The following CHRDL1 variants were observed in gnomAD, a reference collection of about 807,000 sequenced individuals.
CHRDL1 encodes the protein chordin-like protein 1.
In CHRDL1, 19 loss-of-function variants were observed where a neutral mutation model predicts 40.9. The ratio of observed to expected loss-of-function variants is 0.46; its 90% CI spans 0.32 to 0.68. CHRDL1 has a LOEUF of 0.68. CHRDL1 is among the 30% of genes least tolerant of loss of function. CHRDL1 has a pLI of 0.03. For missense variants in CHRDL1, 329 were observed against 352.1 expected, an observed-to-expected ratio of 0.93 and a Z score of 0.53; for synonymous variants, 136 against 123.4, an observed-to-expected ratio of 1.10 and a Z score of -0.68.
chrX:110,689,506 ATC>A lies in CHRDL1; in HGVS notation c.779-705_779-704del, dbSNP rs1167395112. On this transcript the variant is annotated intron_variant, in intron 8 of 11. Coordinates refer to ENST00000372042, the MANE Select transcript of CHRDL1 (RefSeq NM_001143981.2). ...TATCTATATCTCTATATATCTATAT[ATC>A]TATATCTCTATATATCTATCTATAT... 2.2e-4 allele frequency among the ~76,000 whole-genome samples: 10 copies of A among 46,489 alleles called. No homozygotes were observed. The African/African-American group carries it at 2.3e-3, about 10-fold the overall frequency. The allele number at this position is 46,489 out of a possible 115,157, so 40.4% of individuals were successfully genotyped here. A position where few individuals can be genotyped will look rare whatever the true frequency, so the allele number is the denominator to read the frequency against.
At chrX:110,689,414 C>A (rs34617254) in intron 8 of CHRDL1, among the ~76,000 whole-genome samples, 1,776 of 36,119 alleles carry the variant, frequency 0.049, 80 homozygotes, top group African/African-American at 0.21. Context: ...ATCTATATAT[C>A]TATATATATC....
intron 6 of CHRDL1, among the ~76,000 whole-genome samples, chrX:110,717,067 A>G (rs753393094): frequency 1.8e-5 from 2 of 111,736 alleles, no homozygotes; most frequent in Admixed American, 1.9e-4. Flanking sequence ...CAGATTTTTT[A>G]AAACAAATCC....
At chrX:110,689,853 ATATATATC>A in intron 8 of CHRDL1, among the ~76,000 whole-genome samples, 1 of 6,802 alleles carries the variant, frequency 1.5e-4, no homozygotes, top group South Asian at 2.2e-3. Context: ...CTATATATCT[ATATATATC>A]TATATATCTA....
In CHRDL1 at chrX:110,681,529, G is replaced by A. The variant is rs1340097332; in HGVS notation, c.1109C>T (p.Thr370Ile). ...GACCTCTACCTGAGGTGGTCTCTCA[G>A]TCTCCAGTGCTATTTTTCTGGTTGT... Reference protein sequence around the residue: ...GETTRKIALETERPPQVEVHV... With the variant: ...GETTRKIALEIERPPQVEVHV... Residue 370 changes from threonine to isoleucine, a missense_variant, in exon 10 of 12, where the codon ACT (threonine) becomes ATT (isoleucine). By Grantham distance (89) the Thr-to-Ile change is moderately conservative. Coordinates refer to ENST00000372042, the MANE Select transcript of CHRDL1 (RefSeq NM_001143981.2). The A allele has an allele frequency of 1.7e-6, 2 of 1,207,376 alleles. No homozygotes were observed. The highest frequency in any genetic ancestry group is 2.2e-6 in the Non-Finnish European group (2 of 893,143).
In CHRDL1 at chrX:110,675,654, G is replaced by C. The variant is rs984133488; in HGVS notation, c.*577C>G. 2 of 102,010 alleles carry C rather than the reference G, an allele frequency of 2.0e-5. No homozygotes were observed. The highest frequency in any genetic ancestry group is 3.9e-5 in the Non-Finnish European group (2 of 50,792). The allele number at this position is 102,010 out of a possible 1,213,427, so 8.4% of individuals were successfully genotyped here. ...TAGCTTTGCTTCAAATAAAGCTTTC[G>C]TTTAATGTGAGTGTGGACGTGCGTG... On this transcript the variant is annotated 3_prime_UTR_variant, in exon 12 of 12. Coordinates refer to ENST00000372042, the MANE Select transcript of CHRDL1 (RefSeq NM_001143981.2).
chrX:110,684,745 G>A (rs1382266539), intron 9 of CHRDL1, among the ~76,000 whole-genome samples: 2 of 112,719 alleles, frequency 1.8e-5, no homozygotes, highest in Non-Finnish European at 3.7e-5. Flanking sequence ...TTGAATGCAT[G>A]AGCAAGTGCA....
intron 3 of CHRDL1, among the ~76,000 whole-genome samples, chrX:110,760,256 T>C (rs759176815): frequency 8.9e-6 from 1 of 112,177 alleles, no homozygotes; most frequent in Non-Finnish European, 1.9e-5. Flanking sequence ...ATTTCCTTTT[T>C]AGCCAAAATT....
chrX:110,793,154 T>G (rs1207555072), intron 1 of CHRDL1, among the ~76,000 whole-genome samples: 1 of 112,354 alleles, frequency 8.9e-6, no homozygotes, highest in Non-Finnish European at 1.9e-5. Context: ...AGATTCAATC[T>G]GAATGGGAAA....
At chrX:110,768,714 C>T (rs1359799004) in intron 2 of CHRDL1, among the ~76,000 whole-genome samples, 1 of 110,646 alleles carries the variant, frequency 9.0e-6, no homozygotes, top group Non-Finnish European at 1.9e-5. Flanking sequence ...CAGGGGCTCT[C>T]GGGCCTTCAG....
At chrX:110,734,075 T>A (rs1359716845) in intron 4 of CHRDL1, among the ~76,000 whole-genome samples, 1 of 111,638 alleles carries the variant, frequency 9.0e-6, no homozygotes, top group African/African-American at 3.3e-5. Flanking sequence ...AGGTGATTCT[T>A]CATTTAAGGG....
chrX:110,700,077 A>G (rs1407142235), intron 7 of CHRDL1, among the ~76,000 whole-genome samples: 1 of 112,310 alleles, frequency 8.9e-6, no homozygotes, highest in East Asian at 2.8e-4. Context: ...AAAATACAAA[A>G]GAACAAAAGA....
chrX:110,676,975 C>T (rs916902887), intron 11 of CHRDL1, among the ~76,000 whole-genome samples: 5 of 110,979 alleles, frequency 4.5e-5, no homozygotes, highest in African/African-American at 1.6e-4. Context: ...TCTCATATAC[C>T]CCATGGAATC....
chrX:110,762,318 C>A (rs746812039), intron 3 of CHRDL1, among the ~76,000 whole-genome samples: 2 of 111,957 alleles, frequency 1.8e-5, no homozygotes, highest in Non-Finnish European at 3.8e-5. Context: ...GTTCTGTCAA[C>A]CATGCTGGAG....
At chrX:110,745,933 T>C (rs2089239776) in intron 4 of CHRDL1, among the ~76,000 whole-genome samples, 1 of 112,238 alleles carries the variant, frequency 8.9e-6, no homozygotes, top group Non-Finnish European at 1.9e-5. Context: ...TATTTCTCAA[T>C]AGAGCCACCA....
At chrX:110,689,925 A>G (rs2070216094) in intron 8 of CHRDL1, among the ~76,000 whole-genome samples, 1 of 71,433 alleles carries the variant, frequency 1.4e-5, no homozygotes, top group East Asian at 3.4e-4. Flanking sequence ...ATATATATCT[A>G]TATATCTATA....
At chrX:110,719,141 T>C (rs953004153) in intron 6 of CHRDL1, among the ~76,000 whole-genome samples, 3 of 111,264 alleles carry the variant, frequency 2.7e-5, no homozygotes, top group Non-Finnish European at 5.7e-5. Flanking sequence ...ATAAGGATAT[T>C]GCCAGTGGGA....
chrX:110,681,934 T>C (rs1371388828), intron 9 of CHRDL1, among the ~76,000 whole-genome samples: 2 of 111,884 alleles, frequency 1.8e-5, no homozygotes, highest in Non-Finnish European at 3.8e-5. Flanking sequence ...ACTAGACCCC[T>C]ACTACTGTCA....
At chrX:110,696,715 C>T (rs2070392987) in intron 7 of CHRDL1, among the ~76,000 whole-genome samples, 1 of 111,308 alleles carries the variant, frequency 9.0e-6, no homozygotes, top group Non-Finnish European at 1.9e-5. Flanking sequence ...ACCCGGTGAG[C>T]TGTAAAAAAT....
intron 6 of CHRDL1, among the ~76,000 whole-genome samples, chrX:110,719,279 TA>T (rs199773686): frequency 9.0e-6 from 1 of 111,056 alleles, no homozygotes; most frequent in Non-Finnish European, 1.9e-5. Context: ...GGTGCCATTA[TA>T]AAAAAAATAA....
Sources: allele counts gnomAD v4.1 joint callset (sites outside exome capture counted in the v4.1 genomes callset), GRCh38; gene constraint gnomAD v4.1.1; transcripts MANE v1.5; gene names NCBI Gene and HGNC (gene_info 2026-07-23, HGNC 2026-07-21).